TENM3: variants seen among roughly 807,000 people sequenced by gnomAD.
TENM3 encodes the protein teneurin transmembrane protein 3.
TENM3 carries 63 observed loss-of-function variants against 255.1 expected under a neutral mutation model. The observed-to-expected ratio is 0.25, with a 90% CI of 0.20 to 0.30. TENM3 has a LOEUF of 0.30. TENM3 is among the 10% of genes least tolerant of loss of function. The pLI, the probability that TENM3 is intolerant of heterozygous loss-of-function variation, is 1.00. For missense variants in TENM3, 2,929 were observed against 3,461.1 expected (o/e 0.85, Z 3.86); for synonymous variants, 1,306 against 1,322.3 (o/e 0.99, Z 0.27).
the TENM3 span, among the ~76,000 whole-genome samples, chr4:181,927,136 G>A: frequency 6.6e-6 from 1 of 152,152 alleles, no homozygotes; most frequent in African/African-American, 2.4e-5. Context: ...ATACCCCAGT[G>A]GCACCTGGAA....
intron 1 of TENM3, among the ~76,000 whole-genome samples, chr4:182,320,606 A>G (rs1163825342): frequency 1.3e-5 from 2 of 152,218 alleles, no homozygotes; most frequent in Admixed American, 6.5e-5. Context: ...CTGCAGAAAT[A>G]AAAGTAAAAC....
chr4:182,002,320 G>A, the TENM3 span, among the ~76,000 whole-genome samples: 4 of 151,334 alleles, frequency 2.6e-5, no homozygotes, highest in Admixed American at 6.6e-5. Flanking sequence ...AATCACAGGG[G>A]AGAGAGAGAG....
chr4:181,455,831 A>G, the TENM3 span, among the ~76,000 whole-genome samples: 1 of 151,994 alleles, frequency 6.6e-6, no homozygotes, highest in East Asian at 1.9e-4. Flanking sequence ...GGTTGTCCTA[A>G]CAAGAGAATC....
the TENM3 span, among the ~76,000 whole-genome samples, chr4:182,099,031 G>A: frequency 2.9e-5 from 4 of 139,386 alleles, no homozygotes; most frequent in Non-Finnish European, 6.0e-5. Flanking sequence ...GGGTGATCTC[G>A]GCTCACTGCA....
intron 3 of TENM3, among the ~76,000 whole-genome samples, chr4:182,407,890 T>C (rs1292429032): frequency 6.6e-6 from 1 of 152,230 alleles, no homozygotes; most frequent in East Asian, 1.9e-4. Context: ...AGTGTTAAAA[T>C]GGCAATACCA....
chr4:182,057,638 T>C, the TENM3 span, among the ~76,000 whole-genome samples: 1 of 151,904 alleles, frequency 6.6e-6, no homozygotes, highest in Non-Finnish European at 1.5e-5. Context: ...TGGCCTCAAG[T>C]GATCCCCCTG....
intron 1 of TENM3, among the ~76,000 whole-genome samples, chr4:182,249,925 G>A (rs1757889242): frequency 6.6e-6 from 1 of 151,838 alleles, no homozygotes; most frequent in African/African-American, 2.4e-5. Flanking sequence ...ACTATGCCTG[G>A]CTACTTTTTT....
the TENM3 span, among the ~76,000 whole-genome samples, chr4:181,644,219 A>T: frequency 3.3e-5 from 5 of 152,230 alleles, no homozygotes; most frequent in East Asian, 5.8e-4. Context: ...GCAACTAGCC[A>T]GTGTTCCTTA....
chr4:182,511,647 C>G (rs1350983689), intron 3 of TENM3, among the ~76,000 whole-genome samples: 2 of 151,944 alleles, frequency 1.3e-5, no homozygotes, highest in Non-Finnish European at 2.9e-5. Context: ...TGCTTTTTTC[C>G]ATTTTTAAAT....
intron 3 of TENM3, among the ~76,000 whole-genome samples, chr4:182,484,803 GAATT>G (rs1333697071): frequency 9.2e-5 from 14 of 151,996 alleles, no homozygotes; most frequent in Admixed American, 9.2e-4. Flanking sequence ...TACTATGTCT[GAATT>G]AATTTATTTA....
At chr4:181,881,957 AC>A in the TENM3 span, among the ~76,000 whole-genome samples, 1 of 152,190 alleles carries the variant, frequency 6.6e-6, no homozygotes, top group East Asian at 1.9e-4. Context: ...CATTCATGCA[AC>A]TTCCGTGATT....
intron 3 of TENM3, among the ~76,000 whole-genome samples, chr4:182,507,516 A>G (rs568791523): frequency 1.1e-4 from 16 of 151,248 alleles, no homozygotes; most frequent in Non-Finnish European, 1.9e-4. Context: ...AATTTTTTTT[A>G]TATAAATCAG....
chr4:181,778,622 T>C, the TENM3 span, among the ~76,000 whole-genome samples: 4 of 152,258 alleles, frequency 2.6e-5, no homozygotes, highest in South Asian at 6.2e-4. Context: ...TTTGCCTTGA[T>C]TGAGAAATAA....
intron 3 of TENM3, among the ~76,000 whole-genome samples, chr4:182,505,839 A>T (rs937251406): frequency 2.6e-5 from 4 of 152,162 alleles, no homozygotes; most frequent in Non-Finnish European, 4.4e-5. Flanking sequence ...TCCTTTGTTG[A>T]CATTGTCATC....
At chr4:182,169,038 C>T (rs907542013) in intron 1 of TENM3, among the ~76,000 whole-genome samples, 7 of 150,102 alleles carry the variant, frequency 4.7e-5, no homozygotes, top group African/African-American at 1.2e-4. Context: ...TGAGGGAAAA[C>T]GTATATGGAC....
At chr4:181,692,868 T>C in the TENM3 span, among the ~76,000 whole-genome samples, 1 of 152,132 alleles carries the variant, frequency 6.6e-6, no homozygotes, top group Non-Finnish European at 1.5e-5. Context: ...AACAGTTAGA[T>C]GAGATCAGCT....
chr4:181,615,451 T>C, the TENM3 span, among the ~76,000 whole-genome samples: 1 of 152,168 alleles, frequency 6.6e-6, no homozygotes, highest in African/African-American at 2.4e-5. Flanking sequence ...TCACTAAAGT[T>C]TTCTCTACAT....
chr4:181,636,812 C>T, the TENM3 span, among the ~76,000 whole-genome samples: 1 of 152,322 alleles, frequency 6.6e-6, no homozygotes, highest in East Asian at 1.9e-4. Context: ...CATGTCACTG[C>T]TCTTCTGTTT....
In TENM3 at chr4:182,792,155, T is replaced by G. The variant is rs922805608; in HGVS notation, c.5602-119T>G. The G allele has an allele frequency of 2.0e-6, 2 of 988,910 alleles. No individual in the cohort carries two copies. Among genetic ancestry groups the G allele is most frequent in the Non-Finnish European group, 3.0e-6 (2 of 660,766 alleles). The allele number at this position is 988,910 out of a possible 1,614,324, so 61.3% of individuals were successfully genotyped here. On this transcript the variant is annotated intron_variant, in intron 25 of 27. Coordinates refer to ENST00000511685, the MANE Select transcript of TENM3 (RefSeq NM_001080477.4). The surrounding 1 kb of genome is among the most constrained non-coding windows in gnomAD (Gnocchi z 6.3). ...AACAACACGCAAGGTCAAGGATAACTCAATTAAAATGAAAATCATTTTCTC... is the reference window on the plus strand; with the variant it reads ...AACAACACGCAAGGTCAAGGATAACGCAATTAAAATGAAAATCATTTTCTC...
Sources: gnomAD v4.1 joint callset for allele counts (sites outside exome capture counted in the v4.1 genomes callset) on GRCh38, gnomAD v4.1.1 for gene constraint, Gnocchi (gnomAD v3.1) non-coding constraint, MANE v1.5 for transcripts, NCBI Gene and HGNC (gene_info 2026-07-23, HGNC 2026-07-21) for gene names.